LIN52: variants seen among roughly 807,000 people sequenced by gnomAD.
LIN52 encodes the protein lin-52 DREAM MuvB core complex component.
LIN52 carries 4 observed loss-of-function variants against 18.5 expected under a neutral mutation model. The observed-to-expected ratio is 0.22, with a 90% CI of 0.11 to 0.49. The LOEUF is 0.49. LIN52 is among the 20% of genes least tolerant of loss of function. The pLI, the probability that LIN52 is intolerant of heterozygous loss-of-function variation, is 0.97. For synonymous variants in LIN52, 34 were observed against 45.5 expected (o/e 0.75, Z 1.02); for missense variants, 102 against 139.5 (o/e 0.73, Z 1.35).
chr14:74,172,529 C>T (rs1274600036), intron 5 of LIN52, among the ~76,000 whole-genome samples: 1 of 152,152 alleles, frequency 6.6e-6, no homozygotes, highest in Admixed American at 6.5e-5. Context: ...AAACTCTTCA[C>T]TGCGTGTGCT....
At chr14:74,146,271 A>C (rs766310) in intron 5 of LIN52, among the ~76,000 whole-genome samples, 17,018 of 152,284 alleles carry the variant, frequency 0.11, 1,250 homozygotes, top group Admixed American at 0.19. Context: ...GGCTGGATAC[A>C]TTATGGAACT....
At chr14:74,180,616 G>A (rs2061314407) in intron 5 of LIN52, among the ~76,000 whole-genome samples, 1 of 151,928 alleles carries the variant, frequency 6.6e-6, no homozygotes. Flanking sequence ...CTCATTATTT[G>A]CAATTGTAAG....
intron 5 of LIN52, among the ~76,000 whole-genome samples, chr14:74,109,070 T>A (rs10150814): frequency 1.3e-5 from 2 of 152,216 alleles, no homozygotes; most frequent in Non-Finnish European, 2.9e-5. Flanking sequence ...TTAATTTTTA[T>A]ATTTGGTGTG....
At chr14:74,086,467 A>G (rs983290919) in intron 1 of LIN52, among the ~76,000 whole-genome samples, 4 of 152,058 alleles carry the variant, frequency 2.6e-5, no homozygotes, top group African/African-American at 9.7e-5. Context: ...AGCCTAGACA[A>G]CATGGTGAAA....
intron 5 of LIN52, among the ~76,000 whole-genome samples, chr14:74,169,694 G>A (rs2061263010): frequency 6.6e-6 from 1 of 152,168 alleles, no homozygotes; most frequent in Admixed American, 6.5e-5. Flanking sequence ...ATCTATCATA[G>A]TACCCCCTTT....
chr14:74,142,403 A>G (rs2061135293), intron 5 of LIN52, among the ~76,000 whole-genome samples: 1 of 152,150 alleles, frequency 6.6e-6, no homozygotes, highest in Non-Finnish European at 1.5e-5. Flanking sequence ...GCTATTATTA[A>G]TAACAATAAC....
chr14:74,183,525 ATAT>A (rs1347129129), intron 5 of LIN52, among the ~76,000 whole-genome samples: 1 of 152,182 alleles, frequency 6.6e-6, no homozygotes, highest in Non-Finnish European at 1.5e-5. Flanking sequence ...CTTATGAATG[ATAT>A]TATGATATGT....
chr14:74,179,663 A>T (rs1289984109), intron 5 of LIN52, among the ~76,000 whole-genome samples: 1 of 90,100 alleles, frequency 1.1e-5, no homozygotes, highest in Admixed American at 1.4e-4. Context: ...CTCAAAAAAA[A>T]AAAAAAGAAA....
intron 5 of LIN52, among the ~76,000 whole-genome samples, chr14:74,182,534 G>T (rs1253783685): frequency 6.6e-6 from 1 of 152,098 alleles, no homozygotes; most frequent in Non-Finnish European, 1.5e-5. Context: ...GGACAAATCA[G>T]CATCTGTGAA....
At chr14:74,192,340 C>T (rs952756276) in intron 5 of LIN52, among the ~76,000 whole-genome samples, 2 of 152,136 alleles carry the variant, frequency 1.3e-5, no homozygotes, top group African/African-American at 4.8e-5. Context: ...GGCTGGATTA[C>T]AGTCGCATGA....
chr14:74,191,132 C>T (rs2078873849), intron 5 of LIN52, among the ~76,000 whole-genome samples: 1 of 152,228 alleles, frequency 6.6e-6, no homozygotes, highest in Non-Finnish European at 1.5e-5. Flanking sequence ...AGCTCTGCGC[C>T]AGAGCCACAG....
chr14:74,121,137 C>T (rs541865867), intron 5 of LIN52, among the ~76,000 whole-genome samples: 1 of 152,248 alleles, frequency 6.6e-6, no homozygotes, highest in South Asian at 2.1e-4. Flanking sequence ...GTAGATTTTC[C>T]CCTTGGAGTC....
chr14:74,167,853 A>G (rs151107626), intron 5 of LIN52, among the ~76,000 whole-genome samples: 1 of 152,108 alleles, frequency 6.6e-6, no homozygotes, highest in Non-Finnish European at 1.5e-5. Flanking sequence ...TTTTACTTAC[A>G]GTTATTATAT....
chr14:74,177,217 C>G (rs974086157), intron 5 of LIN52, among the ~76,000 whole-genome samples: 2 of 152,024 alleles, frequency 1.3e-5, no homozygotes, highest in Middle Eastern at 3.2e-3. Flanking sequence ...AGGCTGGTCT[C>G]GAACTCCTGA....
intron 5 of LIN52, among the ~76,000 whole-genome samples, chr14:74,194,122 T>C (rs972107736): frequency 3.9e-5 from 6 of 152,186 alleles, no homozygotes; most frequent in East Asian, 1.9e-4. Context: ...CCATATGTCA[T>C]TGGGGAAAGG....
chr14:74,085,206 T>C (rs2060717260), intron 1 of LIN52: 1 of 404,366 alleles, frequency 2.5e-6, no homozygotes, highest in Non-Finnish European at 4.3e-6. Context: ...GTACCAGGCG[T>C]GTGGAGGAGG....
intron 3 of LIN52, among the ~76,000 whole-genome samples, chr14:74,097,372 C>T (rs539759901): frequency 3.3e-5 from 5 of 151,664 alleles, no homozygotes; most frequent in South Asian, 4.2e-4. Context: ...TATAATCTGC[C>T]AGTATTTCCA....
chr14:74,183,404 G>T (rs533514429), intron 5 of LIN52, among the ~76,000 whole-genome samples: 2 of 152,134 alleles, frequency 1.3e-5, no homozygotes, highest in East Asian at 3.9e-4. Context: ...CAGCCAAAAA[G>T]TTACCCGCTT....
intron 1 of LIN52, among the ~76,000 whole-genome samples, chr14:74,088,925 G>A (rs1197930159): frequency 6.6e-6 from 1 of 152,178 alleles, no homozygotes; most frequent in African/African-American, 2.4e-5. Context: ...AAAGAATTAG[G>A]TAGAGGCTGA....
Sources: gnomAD v4.1 joint callset for allele counts (sites outside exome capture counted in the v4.1 genomes callset) on GRCh38, gnomAD v4.1.1 for gene constraint, MANE v1.5 for transcripts, NCBI Gene and HGNC (gene_info 2026-07-23, HGNC 2026-07-21) for gene names.